Variants in TUBB8 observed in about 807,000 individuals in gnomAD.
TUBB8 encodes tubulin beta-8 chain.
Under a neutral mutation model 33.7 loss-of-function variants are expected in TUBB8, and 25 were observed. The ratio of observed to expected loss-of-function variants is 0.74; its 90% confidence interval spans 0.54 to 1.04. The LOEUF (loss-of-function observed/expected upper bound fraction) is 1.04, where lower values mean the gene tolerates loss of function less well. Among genes scored for constraint, TUBB8 ranks in the 50% least tolerant of loss-of-function variants. TUBB8 has a pLI of 0.00. For synonymous variants in TUBB8, 245 were observed against 240.1 expected, an observed-to-expected ratio of 1.02 and a Z score of -0.19; for missense variants, 279 against 608.0, an observed-to-expected ratio of 0.46 and a Z score of 5.69.
At position 67,332 on chromosome 10, in the gene TUBB8, C is replaced by T. The variant is rs1834684090; in HGVS notation, c.-846+6637G>A. ...TTAAGAATTATTAAGTCTTCCAGTTCGTGAATATGAGGTGTCTTTAAATTT... is the reference window on the plus strand; with the variant it reads ...TTAAGAATTATTAAGTCTTCCAGTTTGTGAATATGAGGTGTCTTTAAATTT... On this transcript the variant is annotated intron_variant, in intron 1 of 3. Transcript: ENST00000564130. Among the ~76,000 whole-genome samples the T allele has an allele frequency of 2.6e-5, 4 of 152,088 alleles. No homozygotes were observed. In the South Asian group the frequency reaches 8.3e-4, roughly 31 times the overall value.
chr10:63,596 GT>G (rs1554741180), intron 1 of TUBB8, among the ~76,000 whole-genome samples: 1 of 152,020 alleles, frequency 6.6e-6, no homozygotes, highest in Non-Finnish European at 1.5e-5. Flanking sequence ...GCATTCTTCA[GT>G]ATGATAATTG....
chr10:59,709 A>G (rs567909141), intron 1 of TUBB8, among the ~76,000 whole-genome samples: 4 of 152,312 alleles, frequency 2.6e-5, no homozygotes, highest in Non-Finnish European at 5.9e-5. Flanking sequence ...ATATCACTGT[A>G]ATACCAGCCT....
At chr10:52,965 T>C (rs551455001), upstream of TUBB8, among the ~76,000 whole-genome samples, 4 of 152,368 alleles carry the variant, frequency 2.6e-5, no homozygotes, top group East Asian at 5.8e-4. Flanking sequence ...TTTTGTTTGA[T>C]GGCATTTGGT....
chr10:47,534 C>T lies in TUBB8; in HGVS notation c.858G>A (p.Val286=). The change falls in exon 4 of 4, where the codon GTG becomes GTA. Residue 286 remains valine, a synonymous_variant. Coordinates refer to ENST00000568584, the MANE Select transcript of TUBB8 (RefSeq NM_177987.3). The part of the protein sequence containing the change: ...RGSQQYRALT[V]AELTQQMFDA... Reference sequence around the variant, plus strand: ...CAAACATCTGCTGGGTAAGCTCAGCCACAGTCAAGGCCCGGTACTGCTGGC... The same window carrying T: ...CAAACATCTGCTGGGTAAGCTCAGCTACAGTCAAGGCCCGGTACTGCTGGC... The T allele has an allele frequency of 1.2e-6, 2 of 1,612,110 alleles. No homozygotes were observed. The highest frequency in any genetic ancestry group is 1.1e-5 in the South Asian group (1 of 91,010).
intron 1 of TUBB8, among the ~76,000 whole-genome samples, chr10:63,436 T>C (rs1380964110): frequency 6.6e-6 from 1 of 152,242 alleles, no homozygotes; most frequent in Admixed American, 6.5e-5. Context: ...AACTCTTAGA[T>C]TCCTATTTTG....
intron 1 of TUBB8, among the ~76,000 whole-genome samples, chr10:66,606 AC>A (rs1364487822): frequency 6.6e-6 from 1 of 152,184 alleles, no homozygotes; most frequent in Non-Finnish European, 1.5e-5. Flanking sequence ...CCACGTTCAC[AC>A]CACTGCACTC....
At chr10:50,785 G>A (rs1281257597), upstream of TUBB8, among the ~76,000 whole-genome samples, 1 of 152,218 alleles carries the variant, frequency 6.6e-6, no homozygotes, top group Non-Finnish European at 1.5e-5. Flanking sequence ...TTGAGCTGCT[G>A]AGGTCGAAGC....
chr10:53,695 A>G (rs1834496076), upstream of TUBB8, among the ~76,000 whole-genome samples: 1 of 152,254 alleles, frequency 6.6e-6, no homozygotes, highest in Non-Finnish European at 1.5e-5. Flanking sequence ...CCCTGCAGGG[A>G]CTGACTGACT....
chr10:74,344 CGAA>C (rs1454020636), upstream of TUBB8, among the ~76,000 whole-genome samples: 6 of 151,454 alleles, frequency 4.0e-5, no homozygotes, highest in Admixed American at 2.0e-4. Flanking sequence ...AGATAGCAAT[CGAA>C]GAAGATGACC....
chr10:48,593 C>G (rs1184254610), intron 3 of TUBB8, 22 bp downstream of exon 3: 2 of 1,600,318 alleles, frequency 1.2e-6, no homozygotes, highest in Non-Finnish European at 1.7e-6. Flanking sequence ...GAGCCGCACC[C>G]CAGTCCTCGC....
intron 1 of TUBB8, among the ~76,000 whole-genome samples, chr10:70,468 T>A (rs1174986538): frequency 5.9e-5 from 9 of 152,198 alleles, no homozygotes; most frequent in South Asian, 4.1e-4. Context: ...AGATATTTTT[T>A]AAAATATTAT....
chr10:64,739 A>G (rs1834647546), intron 1 of TUBB8, among the ~76,000 whole-genome samples: 1 of 152,220 alleles, frequency 6.6e-6, no homozygotes, highest in South Asian at 2.1e-4. Context: ...ATGTCATCTG[A>G]TTTGTGACCC....
chr10:51,906 A>G (rs1489245704), upstream of TUBB8, among the ~76,000 whole-genome samples: 4 of 152,180 alleles, frequency 2.6e-5, no homozygotes, highest in Admixed American at 6.5e-5. Flanking sequence ...AGGAAAGTAA[A>G]AGCTAAACTG....
At chr10:75,937 G>T (rs1834807643), upstream of TUBB8, among the ~76,000 whole-genome samples, 1 of 151,826 alleles carries the variant, frequency 6.6e-6, no homozygotes, top group Non-Finnish European at 1.5e-5. Context: ...TCAGGAGTTC[G>T]AGACCAGCCT....
chr10:49,141 C>A (rs782714133), intron 1 of TUBB8, 41 bp downstream of exon 1: 9 of 1,546,396 alleles, frequency 5.8e-6, no homozygotes, highest in Admixed American at 2.0e-5. Flanking sequence ...CCCGGCCACC[C>A]GGCAGGCCCG....
At position 48,060 on chromosome 10, in the gene TUBB8, T is replaced by C; in HGVS notation, c.332A>G (p.Glu111Gly). 1 of 1,613,968 alleles carries C rather than the reference T, an allele frequency of 6.2e-7. No individual in the cohort carries two copies. The highest frequency in any genetic ancestry group is 1.1e-5 in the South Asian group (1 of 91,074). ...AACGTCCATCACTGACTCCATCAGCTCCGCGCCTTCGGTGTAGTGTCCCTT... is the reference window on the plus strand; with the variant it reads ...AACGTCCATCACTGACTCCATCAGCCCCGCGCCTTCGGTGTAGTGTCCCTT... The part of the protein sequence containing the change: ...WAKGHYTEGA[E>G]LMESVMDVVR... Residue 111 changes from glutamate (E) to glycine (G), a missense_variant, in exon 4 of 4, where the codon GAG becomes GGG. Glu to Gly is a moderately conservative substitution (Grantham distance 98, BLOSUM62 -2). This residue lies in a region of TUBB8 where 96 missense variants were observed against 233.7 expected (regional missense o/e 0.41). Transcript: ENST00000568584.
intron 1 of TUBB8, 36 bp from the exon 2 acceptor site, chr10:48,948 T>C: frequency 7.1e-7 from 1 of 1,414,854 alleles, no homozygotes. Context: ...AGGCCGGGGC[T>C]GAGTCAGGGA....
intron 1 of TUBB8, among the ~76,000 whole-genome samples, chr10:59,409 G>C (rs1276120912): frequency 3.3e-5 from 5 of 152,144 alleles, no homozygotes; most frequent in Non-Finnish European, 7.4e-5. Flanking sequence ...GGCTGGTTTT[G>C]AACTCCTGAA....
At position 48,384 on chromosome 10, in the gene TUBB8, G is replaced by A. The variant is rs543564554; in HGVS notation, c.277+231C>T. On this transcript the variant is annotated intron_variant, in intron 3 of 3. Transcript: ENST00000568584. ...AGGAAAGGCAGTAGCCACGGCCCCA[G>A]CTCAGGTTCTTGCAGGGAGTTTACA... 18 of 637,326 alleles carry A rather than the reference G, an allele frequency of 2.8e-5. No individual in the cohort carries two copies. The African/African-American group carries it at 3.1e-4, about 11-fold the overall frequency. The allele number at this position is 637,326 out of a possible 1,614,324, so 39.5% of individuals were successfully genotyped here.
Sources: allele counts gnomAD v4.1 joint callset (sites outside exome capture counted in the v4.1 genomes callset), GRCh38; gene constraint gnomAD v4.1.1; regional missense constraint gnomAD v4.1.1; transcripts MANE v1.5; gene names NCBI Gene and HGNC (gene_info 2026-07-23, HGNC 2026-07-21).